FHIT: variants seen among roughly 807,000 people sequenced by gnomAD.
FHIT encodes the protein bis(5'-adenosyl)-triphosphatase.
In FHIT, 19 loss-of-function variants were observed where a neutral mutation model predicts 17.9. The observed-to-expected ratio is 1.06, with a 90% CI of 0.74 to 1.56. FHIT has a LOEUF of 1.56. Ranked by LOEUF, FHIT falls within the 40% of genes most tolerant of loss-of-function variation. The pLI, the probability that FHIT is intolerant of heterozygous loss-of-function variation, is 0.00. For missense variants in FHIT, 248 were observed against 189.2 expected, an observed-to-expected ratio of 1.31 and a Z score of -1.82; for synonymous variants, 81 against 69.7, an observed-to-expected ratio of 1.16 and a Z score of -0.81.
At chr3:61,158,016 C>G (rs2037580403) in intron 2 of FHIT, among the ~76,000 whole-genome samples, 1 of 152,018 alleles carries the variant, frequency 6.6e-6, no homozygotes, top group African/African-American at 2.4e-5. Flanking sequence ...CAGAATTTAC[C>G]ATGGATGACA....
intron 5 of FHIT, among the ~76,000 whole-genome samples, chr3:60,071,608 G>C (rs1702774574): frequency 6.6e-6 from 1 of 152,158 alleles, no homozygotes; most frequent in African/African-American, 2.4e-5. Flanking sequence ...CTTGTTGAAT[G>C]TCTATCTGTT....
At position 60,883,633 on chromosome 3, in the gene FHIT, A is replaced by G. The variant is rs562029039; in HGVS notation, c.-110-61622T>C. Among the ~76,000 whole-genome samples the G allele has an allele frequency of 1.8e-4, 27 of 152,304 alleles. No individual in the cohort carries two copies. The South Asian group carries it at 3.7e-3, about 21-fold the overall frequency. On this transcript the variant is annotated intron_variant, in intron 3 of 9. Transcript: ENST00000492590. The stretch of plus-strand genomic sequence containing the variant: ...TGTGCAAAGGACAGTCTATTCATAA[A>G]TGATGCTGGGAAAACTGGATATCCA...
chr3:60,947,420 T>C (rs1326083545), intron 3 of FHIT, among the ~76,000 whole-genome samples: 1 of 152,202 alleles, frequency 6.6e-6, no homozygotes, highest in African/African-American at 2.4e-5. Flanking sequence ...GCTATCTATA[T>C]CTAACAAAGG....
chr3:61,114,647 C>A (rs1015125778), intron 2 of FHIT, among the ~76,000 whole-genome samples: 1 of 152,138 alleles, frequency 6.6e-6, no homozygotes, highest in Admixed American at 6.5e-5. Context: ...AAGAACCTAG[C>A]GTTGGCCATG....
At chr3:60,632,874 G>C (rs1298756076) in intron 4 of FHIT, among the ~76,000 whole-genome samples, 10 of 152,188 alleles carry the variant, frequency 6.6e-5, no homozygotes, top group African/African-American at 2.4e-4. Context: ...ACCCAGAGGA[G>C]ACAATGCAAC....
intron 3 of FHIT, among the ~76,000 whole-genome samples, chr3:60,903,513 G>T: frequency 6.6e-6 from 1 of 152,198 alleles, no homozygotes; most frequent in East Asian, 1.9e-4. Flanking sequence ...TGGAAGGCAT[G>T]AAGCAAACAC....
At chr3:60,711,687 G>T (rs551304753) in intron 4 of FHIT, among the ~76,000 whole-genome samples, 1 of 152,180 alleles carries the variant, frequency 6.6e-6, no homozygotes, top group Non-Finnish European at 1.5e-5. Context: ...GATGGAAGAT[G>T]AAATGAATGA....
At chr3:60,407,926 T>TG (rs1419416446) in intron 5 of FHIT, among the ~76,000 whole-genome samples, 3 of 152,190 alleles carry the variant, frequency 2.0e-5, no homozygotes, top group Non-Finnish European at 4.4e-5. Context: ...ATGAAGAGTA[T>TG]CACACAACCA....
intron 2 of FHIT, among the ~76,000 whole-genome samples, chr3:61,160,814 C>T (rs1419633581): frequency 6.6e-6 from 1 of 152,124 alleles, no homozygotes; most frequent in South Asian, 2.1e-4. Context: ...TAATGCATTT[C>T]TCTTTGGAAT....
intron 2 of FHIT, among the ~76,000 whole-genome samples, chr3:61,166,653 C>A (rs564359105): frequency 6.6e-6 from 1 of 152,310 alleles, no homozygotes; most frequent in Non-Finnish European, 1.5e-5. Context: ...TTTCTAAAAA[C>A]CAACTTTCCA....
At chr3:60,595,991 A>G (rs1277956806) in intron 4 of FHIT, 1 of 156,282 alleles carries the variant, frequency 6.4e-6, no homozygotes, top group African/African-American at 2.4e-5. Flanking sequence ...AAGTATAATA[A>G]AACACCTCTT....
At chr3:60,830,658 T>A (rs1461862972) in intron 3 of FHIT, among the ~76,000 whole-genome samples, 1 of 152,224 alleles carries the variant, frequency 6.6e-6, no homozygotes, top group African/African-American at 2.4e-5. Context: ...TATTAGTCCT[T>A]TGGTCTCTTC....
intron 8 of FHIT, among the ~76,000 whole-genome samples, chr3:59,912,494 A>G (rs1704927469): frequency 6.6e-6 from 1 of 152,212 alleles, no homozygotes; most frequent in African/African-American, 2.4e-5. Flanking sequence ...TGTCCTTTCA[A>G]TAACTCTGAA....
At chr3:60,027,166 T>A (rs1444944484) in intron 5 of FHIT, among the ~76,000 whole-genome samples, 22 of 130,604 alleles carry the variant, frequency 1.7e-4, no homozygotes, top group East Asian at 4.9e-4. Context: ...GTAAACCCAA[T>A]AATCCACAAA....
intron 2 of FHIT, among the ~76,000 whole-genome samples, chr3:61,053,092 A>T (rs189492321): frequency 2.0e-3 from 299 of 152,292 alleles, no homozygotes; most frequent in African/African-American, 6.7e-3. Context: ...GACTAGAAGC[A>T]CCAGGTGCCC....
chr3:59,810,280 T>C (rs1237732974), intron 8 of FHIT, among the ~76,000 whole-genome samples: 1 of 152,176 alleles, frequency 6.6e-6, no homozygotes, highest in Non-Finnish European at 1.5e-5. Context: ...AGCCTTGGGC[T>C]GTAGAGGCTC....
chr3:59,905,466 CG>C (rs1704544019), intron 8 of FHIT, among the ~76,000 whole-genome samples: 1 of 152,140 alleles, frequency 6.6e-6, no homozygotes, highest in Non-Finnish European at 1.5e-5. Flanking sequence ...CCCTTGAATT[CG>C]TATGTCTGTA....
intron 7 of FHIT, among the ~76,000 whole-genome samples, chr3:59,982,920 G>A (rs572246965): frequency 6.6e-6 from 1 of 152,062 alleles, no homozygotes; most frequent in African/African-American, 2.4e-5. Flanking sequence ...AAAAGATGAA[G>A]TCCTATGCAT....
intron 5 of FHIT, among the ~76,000 whole-genome samples, chr3:60,249,711 C>T (rs1028282358): frequency 6.6e-6 from 1 of 151,652 alleles, no homozygotes; most frequent in Non-Finnish European, 1.5e-5. Flanking sequence ...CACACACACA[C>T]ACACACACAC....
Sources: gnomAD v4.1 joint callset for allele counts (sites outside exome capture counted in the v4.1 genomes callset) on GRCh38, gnomAD v4.1.1 for gene constraint, MANE v1.5 for transcripts, NCBI Gene and HGNC (gene_info 2026-07-23, HGNC 2026-07-21) for gene names.